Variants in GTPBP6 observed in about 807,000 individuals in gnomAD.
The protein encoded by GTPBP6 is putative GTP-binding protein 6.
A neutral mutation model predicts 28.9 loss-of-function variants in GTPBP6; 33 were observed. That is an observed-to-expected ratio of 1.14 (90% CI 0.87 to 1.53). GTPBP6 has a LOEUF of 1.53. Among genes scored for constraint, GTPBP6 ranks in the 40% most tolerant of loss-of-function variants. GTPBP6 has a pLI of 0.00. For synonymous variants in GTPBP6, 231 were observed against 192.7 expected (o/e 1.20, Z -1.65); for missense variants, 507 against 408.3 (o/e 1.24, Z -2.08).
At chrX:307,850 G>A (rs1213638041) in exon 8 of GTPBP6, 1 of 1,541,916 alleles carries the variant, frequency 6.5e-7, no homozygotes. Flanking sequence ...GCCTCGGGGT[G>A]GCTGACGTCC....
At chrX:318,146 C>A (rs1229486176) in intron 1 of GTPBP6, among the ~76,000 whole-genome samples, 1 of 150,792 alleles carries the variant, frequency 6.6e-6, no homozygotes, top group Non-Finnish European at 1.5e-5. Flanking sequence ...AGAGCCCCGT[C>A]CCTGAATCTC....
At chrX:312,857 C>T (rs1029767262) in exon 6 of GTPBP6, 3 of 1,612,696 alleles carry the variant, frequency 1.9e-6, no homozygotes, top group East Asian at 2.2e-5. Context: ...GAAGCCTGTC[C>T]AAGGCCTTCC....
In GTPBP6 at chrX:311,301, C is replaced by T. The variant is rs866679035; in HGVS notation, c.1125+118G>A. 1,922 of 529,920 alleles carry T rather than the reference C, an allele frequency of 3.6e-3. 118 individuals carry two copies. The African/African-American group carries it at 0.047, about 13-fold the overall frequency. 32.8% of individuals were successfully genotyped at this position (529,920 alleles called of 1,614,324 possible). A position where few individuals can be genotyped will look rare whatever the true frequency, so the allele number is the denominator to read the frequency against. On this transcript the variant is annotated intron_variant, in intron 7 of 9. Transcript: ENST00000326153. ...TGGGCTGAGTGGGTGTCCGAGGGCCCGGCCCCTGGGCTGAGTGGGTGTCCG... is the reference window on the plus strand; with the variant it reads ...TGGGCTGAGTGGGTGTCCGAGGGCCTGGCCCCTGGGCTGAGTGGGTGTCCG...
chrX:305,635 T>A (rs2070145471), intron 9 of GTPBP6, among the ~76,000 whole-genome samples: 1 of 148,512 alleles, frequency 6.7e-6, no homozygotes, highest in Non-Finnish European at 1.5e-5. Flanking sequence ...ATTTTTTATT[T>A]TTTTTTTTGA....
At position 311,235 on chromosome X, in the gene GTPBP6, C is replaced by A. The variant is rs2070283036; in HGVS notation, c.1125+184G>T. 6.6e-5 allele frequency among the ~76,000 whole-genome samples: 4 copies of A among 60,234 alleles called. No individual in the cohort carries two copies. The Admixed American group carries it at 9.2e-4, about 14-fold the overall frequency. 39.5% of individuals were successfully genotyped at this position (60,234 alleles called of 152,430 possible). On this transcript the variant is annotated intron_variant, in intron 7 of 9. Coordinates refer to ENST00000326153, the Ensembl canonical transcript of GTPBP6. Reference sequence around the variant, plus strand: ...CCCTGGCTTTGTGTGTGTCTGAGTGCCTGGTCCCCGTGCCCAGTGGGTGTC... The same window carrying A: ...CCCTGGCTTTGTGTGTGTCTGAGTGACTGGTCCCCGTGCCCAGTGGGTGTC...
chrX:315,679 A>C (rs1310656329), intron 2 of GTPBP6, among the ~76,000 whole-genome samples: 1 of 32,072 alleles, frequency 3.1e-5, no homozygotes, highest in African/African-American at 1.1e-4. Flanking sequence ...CAGGGACACA[A>C]ACACATACAC....
At position 307,715 on chromosome X, in the gene GTPBP6, C is replaced by T. The variant is rs982176607; in HGVS notation, c.1274+17G>A. ...GCAGGGGAAGGAGACGCTTGCGGAC[C>T]CCAGGGCCGGACTCACCCGGGCACG... On this transcript the variant is annotated intron_variant, in intron 8 of 9. Coordinates refer to ENST00000326153, the Ensembl canonical transcript of GTPBP6. 5 of 1,466,454 alleles carry T rather than the reference C, an allele frequency of 3.4e-6. No individual in the cohort carries two copies. In the African/African-American group the frequency reaches 5.7e-5, roughly 17 times the overall value. 90.8% of individuals were successfully genotyped at this position (1,466,454 alleles called of 1,614,324 possible). A position where few individuals can be genotyped will look rare whatever the true frequency, so the allele number is the denominator to read the frequency against.
At chrX:314,177 C>G (rs2070379477) in exon 5 of GTPBP6, 1 of 1,613,606 alleles carries the variant, frequency 6.2e-7, no homozygotes. Context: ...CGCGAGCCGA[C>G]TCCTCGGTAC....
At chrX:305,242 G>A in intron 9 of GTPBP6, 45 bp from the exon 10 acceptor site, 2 of 1,401,910 alleles carry the variant, frequency 1.4e-6, no homozygotes, top group South Asian at 2.3e-5. Context: ...GAACCCGTAA[G>A]TATTTGCTTA....
chrX:305,029 CCAGGCAGCGATGCCCCCACCCCG>C (rs1242489164), exon 10 of GTPBP6: 2 of 1,604,490 alleles, frequency 1.2e-6, no homozygotes, highest in African/African-American at 2.7e-5. Context: ...CCTCAGCTCC[CCAGGCAGCGATGCCCCCACCCCG>C]CAGGCCTCTG....
chrX:318,600 C>T (rs1327571899), exon 1 of GTPBP6: 2 of 397,726 alleles, frequency 5.0e-6, no homozygotes, highest in Non-Finnish European at 8.9e-6. Context: ...CGTGCGGCTT[C>T]GGCCGCCGTC....
chrX:309,060 C>T lies in GTPBP6; in HGVS notation c.1126-1180G>A, dbSNP rs139581645. Among the ~76,000 whole-genome samples the T allele has an allele frequency of 1.1e-3, 162 of 152,242 alleles. No individual in the cohort carries two copies. The South Asian group carries it at 0.015, about 14-fold the overall frequency. On this transcript the variant is annotated intron_variant, in intron 7 of 9. Coordinates refer to ENST00000326153, the Ensembl canonical transcript of GTPBP6. ...TGTCGGGAGGAGTCGAAAGCGGAGT[C>T]CAGGCTCCGGGCGGGGTTCAGTCCC...
At chrX:318,615 C>A (rs1402388425) in exon 1 of GTPBP6, 2 of 397,480 alleles carry the variant, frequency 5.0e-6, no homozygotes, top group Non-Finnish European at 8.9e-6. Flanking sequence ...GCCGTCCGCC[C>A]GCAGGCCCCG....
At position 317,537 on chromosome X, in the gene GTPBP6, T is replaced by G. The variant is rs1403919377; in HGVS notation, c.350-486A>C. Among the ~76,000 whole-genome samples, 57 of 117,344 alleles carry G rather than the reference T, an allele frequency of 4.9e-4. No homozygotes were observed. In the South Asian group the frequency reaches 0.013, roughly 27 times the overall value. 77.0% of individuals were successfully genotyped at this position (117,344 alleles called of 152,430 possible). A position where few individuals can be genotyped will look rare whatever the true frequency, so the allele number is the denominator to read the frequency against. ...AGACTCTGACACGTGCAGCGACTTA[T>G]TCATTTGCATTTCCTCCTGGGGGGT... On this transcript the variant is annotated intron_variant, in intron 1 of 9. Transcript: ENST00000326153.
At chrX:315,156 C>T (rs1284628374) in intron 3 of GTPBP6, 73 bp downstream of exon 3, 103 of 375,038 alleles carry the variant, frequency 2.7e-4, no homozygotes, top group Non-Finnish European at 4.0e-4. Context: ...CCCGCCTGGC[C>T]GGACGCCGTG....
chrX:312,195 GT>G, intron 6 of GTPBP6: 2 of 412,608 alleles, frequency 4.8e-6, no homozygotes, highest in Non-Finnish European at 9.6e-6. Flanking sequence ...GTGTACACGG[GT>G]GGATTATGTA....
At chrX:317,701 ACC>A (rs2070464303) in intron 1 of GTPBP6, among the ~76,000 whole-genome samples, 1 of 5,216 alleles carries the variant, frequency 1.9e-4, no homozygotes, top group South Asian at 9.1e-3. Context: ...ACCCAACCCC[ACC>A]CCACCCCACC....
rs769413484 is a variant in GTPBP6 at position 305,376 on chromosome X, C to T, written c.1428-179G>A. 4.1e-3 allele frequency among the ~76,000 whole-genome samples: 600 copies of T among 146,710 alleles called. 3 individuals carry two copies. The highest frequency in any genetic ancestry group is 0.015 in the African/African-American group (567 of 37,872). On this transcript the variant is annotated intron_variant, in intron 9 of 9. Transcript: ENST00000326153. ...TCACTCTGTCGCGTAGGCTGGAGTG[C>T]AGTGGCGCGATCTCAGCTCACTGCA...
chrX:311,380 G>A (rs2070291774), intron 7 of GTPBP6, 39 bp downstream of exon 7: 3 of 1,485,682 alleles, frequency 2.0e-6, no homozygotes, highest in Non-Finnish European at 2.8e-6. Context: ...GTGCCGAATG[G>A]GTGTCCGAGC....
Sources: gnomAD v4.1 joint callset for allele counts (sites outside exome capture counted in the v4.1 genomes callset) on GRCh38, gnomAD v4.1.1 for gene constraint, MANE v1.5 for transcripts, NCBI Gene and HGNC (gene_info 2026-07-23, HGNC 2026-07-21) for gene names.